Variants in LYSMD2 observed in about 807,000 individuals in gnomAD.
LYSMD2 encodes the protein lysM and putative peptidoglycan-binding domain-containing protein 2.
Under a neutral mutation model 17.7 loss-of-function variants are expected in LYSMD2, and 6 were observed. That is an observed-to-expected ratio of 0.34 (90% CI 0.19 to 0.67). The LOEUF is 0.67. Ranked by LOEUF, LYSMD2 falls within the 30% of genes least tolerant of loss-of-function variation. LYSMD2 has a pLI of 0.69. For missense variants in LYSMD2, 237 were observed against 286.7 expected, an observed-to-expected ratio of 0.83 and a Z score of 1.25; for synonymous variants, 102 against 129.8, an observed-to-expected ratio of 0.79 and a Z score of 1.45.
intron 1 of LYSMD2, among the ~76,000 whole-genome samples, chr15:51,730,470 C>T (rs2055569598): frequency 6.6e-6 from 1 of 152,230 alleles, no homozygotes; most frequent in Admixed American, 6.5e-5. Flanking sequence ...TAGCCAAGAT[C>T]TCGCCACTGC....
At chr15:51,742,935 C>A (rs1467205528) in intron 1 of LYSMD2, among the ~76,000 whole-genome samples, 2 of 152,084 alleles carry the variant, frequency 1.3e-5, no homozygotes, top group Non-Finnish European at 2.9e-5. Context: ...GCAGTCCAGC[C>A]GGGGGGACAC....
intron 1 of LYSMD2, 25 bp from the exon 2 acceptor site, chr15:51,725,146 G>T: frequency 6.9e-7 from 1 of 1,439,644 alleles, no homozygotes; most frequent in Non-Finnish European, 9.6e-7. Flanking sequence ...AGGAGACACA[G>T]AATTACATAT....
At chr15:51,742,926 C>G (rs2055650353) in intron 1 of LYSMD2, among the ~76,000 whole-genome samples, 1 of 152,178 alleles carries the variant, frequency 6.6e-6, no homozygotes, top group South Asian at 2.1e-4. Context: ...CGCCCCACTG[C>G]AGTCCAGCCG....
At chr15:51,736,983 T>G (rs1181131030) in intron 1 of LYSMD2, among the ~76,000 whole-genome samples, 1 of 152,196 alleles carries the variant, frequency 6.6e-6, no homozygotes, top group Non-Finnish European at 1.5e-5. Context: ...TGATGGGGCC[T>G]GCAAATTGGG....
At chr15:51,737,679 T>C (rs2055620785), upstream of LYSMD2, 2 of 1,157,452 alleles carry the variant, frequency 1.7e-6, no homozygotes, top group Admixed American at 4.4e-5. The surrounding 1 kb of genome is among the most constrained non-coding windows in gnomAD (Gnocchi z 4.2). Context: ...CGCCTCCTCC[T>C]CCTCCGCCGC....
chr15:51,731,411 T>C (rs1243920234), intron 1 of LYSMD2, among the ~76,000 whole-genome samples: 1 of 152,192 alleles, frequency 6.6e-6, no homozygotes, highest in East Asian at 1.9e-4. Flanking sequence ...ACACTAAAGA[T>C]TTACATGCAC....
chr15:51,724,802 T>C lies in LYSMD2; in HGVS notation c.593A>G (p.Lys198Arg). 6.2e-7 allele frequency: 1 copy of C among 1,612,918 alleles called. No homozygotes were observed. Among genetic ancestry groups the C allele is most frequent in the Non-Finnish European group, 8.5e-7 (1 of 1,179,238 alleles). The change falls in exon 2 of 3, where the codon AAA becomes AGA. Residue 198 changes from lysine to arginine, a missense_variant. Lys to Arg is a conservative substitution (Grantham distance 26). Transcript: ENST00000267838. Reference sequence around the variant, plus strand: ...AGGGTATTCTTACCTGCTCTCTTCTTTTAGCTTCTTGGCTGCCTGTGTTGA... The same window carrying C: ...AGGGTATTCTTACCTGCTCTCTTCTCTTAGCTTCTTGGCTGCCTGTGTTGA... ...KLSTQAAKKLKEESRDEESPY... is the reference protein window; with the variant it reads ...KLSTQAAKKLREESRDEESPY...
intron 1 of LYSMD2, among the ~76,000 whole-genome samples, chr15:51,732,560 G>T (rs932842314): frequency 3.9e-5 from 6 of 152,172 alleles, no homozygotes; most frequent in Non-Finnish European, 5.9e-5. Context: ...GCTATTAATG[G>T]CTAAAAAGGT....
rs553423648 is a variant in LYSMD2 at position 51,727,214 on chromosome 15, T to G, written c.274-2093A>C. 5.3e-5 allele frequency among the ~76,000 whole-genome samples: 8 copies of G among 152,322 alleles called. No homozygotes were observed. The South Asian group carries it at 1.2e-3, about 24-fold the overall frequency. ...TCCCAATCCATTCCTCCACTCTTCT[T>G]GGGCTTATTCTAAACCCTAGGAGGC... On this transcript the variant is annotated intron_variant, in intron 1 of 2. Transcript: ENST00000267838.
Position 51,737,612 on chromosome 15 carries a change from G to T in LYSMD2, c.11C>A (p.Ser4Tyr). MAD[S>Y]SPALSLREGG... ...TTCCCGCAGGGACAGTGCGGGCGAG[G>T]AATCCGCCATGGGTCCTGCCGAGGC... is the stretch of plus-strand genomic sequence containing the variant. The change falls in exon 1 of 3, where the codon TCC becomes TAC. Residue 4 changes from serine (S) to tyrosine (Y), a missense_variant. Transcript: ENST00000267838. The surrounding 1 kb of genome is among the most constrained non-coding windows in gnomAD (Gnocchi z 4.2). The T allele has an allele frequency of 8.3e-7, 1 of 1,210,342 alleles. No individual in the cohort carries two copies. Among genetic ancestry groups the T allele is most frequent in the Non-Finnish European group, 1.0e-6 (1 of 974,870 alleles). The allele number at this position is 1,210,342 out of a possible 1,614,324, so 75.0% of individuals were successfully genotyped here. A position where few individuals can be genotyped will look rare whatever the true frequency, so the allele number is the denominator to read the frequency against.
chr15:51,732,470 C>T (rs2055582707), intron 1 of LYSMD2, among the ~76,000 whole-genome samples: 1 of 152,162 alleles, frequency 6.6e-6, no homozygotes, highest in Admixed American at 6.5e-5. Flanking sequence ...CCTTCTAGCC[C>T]CAGCATCTAG....
rs79846015 is a variant in LYSMD2 at position 51,736,511 on chromosome 15, T to C, written c.273+839A>G. Among the ~76,000 whole-genome samples, 629 of 152,328 alleles carry C rather than the reference T, an allele frequency of 4.1e-3. 5 individuals carry two copies. Among genetic ancestry groups the C allele is most frequent in the African/African-American group, 0.015 (607 of 41,562 alleles). ...TAAAGGGCCAGAAAGAGTTTCACTT[T>C]AAGGGAAAGATATAGATAAGATCCT... On this transcript the variant is annotated intron_variant, in intron 1 of 2. Transcript: ENST00000267838.
Position 51,737,548 on chromosome 15 carries a change from C to A in LYSMD2, c.75G>T (p.Pro25=). 8.1e-7 allele frequency: 1 copy of A among 1,230,484 alleles called. No homozygotes were observed. The highest frequency in any genetic ancestry group is 1.0e-6 in the Non-Finnish European group (1 of 989,388). The allele number at this position is 1,230,484 out of a possible 1,614,324, so 76.2% of individuals were successfully genotyped here. The change falls in exon 1 of 3, where the codon CCG becomes CCT. Residue 25 remains proline, a synonymous_variant. Coordinates refer to ENST00000267838, the MANE Select transcript of LYSMD2 (RefSeq NM_153374.3). This position sits in a 1 kb window ranked among gnomAD's most constrained non-coding sequence, Gnocchi z 4.2. ...CGGAGCCGGAGCGCGAGCGCGGCGG[C>A]GGCGAGGGGGCCGAGGGCCGCGGCG... ...PRAPRPSAPS[P]PPRSRSGSES...
intron 1 of LYSMD2, among the ~76,000 whole-genome samples, chr15:51,735,303 G>A (rs2055601732): frequency 6.6e-6 from 1 of 152,230 alleles, no homozygotes; most frequent in Non-Finnish European, 1.5e-5. Flanking sequence ...TATAAGCCAG[G>A]GCCCAAAGTA....
In LYSMD2 at chr15:51,725,688, A is replaced by AAT. The variant is rs560199032; in HGVS notation, c.274-569_274-568dup. Among the ~76,000 whole-genome samples the AAT allele has an allele frequency of 2.3e-3, 342 of 151,944 alleles. 2 individuals carry two copies. Among genetic ancestry groups the AAT allele is most frequent in the African/African-American group, 7.8e-3 (324 of 41,446 alleles). The stretch of plus-strand genomic sequence containing the variant: ...CTTATATACCCACTCACATCAAGGA[A>AAT]ATATATATATATGAGAGAATATATA... On this transcript the variant is annotated intron_variant, in intron 1 of 2. Coordinates refer to ENST00000267838, the MANE Select transcript of LYSMD2 (RefSeq NM_153374.3).
chr15:51,734,492 C>G (rs936978476), intron 1 of LYSMD2, among the ~76,000 whole-genome samples: 1 of 152,188 alleles, frequency 6.6e-6, no homozygotes, highest in Non-Finnish European at 1.5e-5. Context: ...TTCCTTGTAC[C>G]TAGACTACGA....
chr15:51,747,073 G>T (rs182157689), intron 1 of LYSMD2, among the ~76,000 whole-genome samples: 1 of 146,176 alleles, frequency 6.8e-6, no homozygotes, highest in Non-Finnish European at 1.5e-5. Flanking sequence ...GGTGGCACAC[G>T]CCTGTAGTCC....
intron 1 of LYSMD2, among the ~76,000 whole-genome samples, chr15:51,743,311 A>G (rs1429460605): frequency 6.6e-6 from 1 of 152,208 alleles, no homozygotes; most frequent in Admixed American, 6.5e-5. Context: ...TGTGAACAGT[A>G]TAAGGTCTGT....
chr15:51,723,534 G>T lies in LYSMD2; in HGVS notation c.*73C>A. On this transcript the variant is annotated 3_prime_UTR_variant, in exon 3 of 3. Transcript: ENST00000267838. ...ATAGGAATCCAGAAGGGATGTTTTT[G>T]AATCTTCAGTTGTTGGATTCTTTAT... 1.6e-6 allele frequency: 2 copies of T among 1,235,422 alleles called. No individual in the cohort carries two copies. The highest frequency in any genetic ancestry group is 1.2e-6 in the Non-Finnish European group (1 of 838,144). 76.5% of individuals were successfully genotyped at this position (1,235,422 alleles called of 1,614,324 possible). A position where few individuals can be genotyped will look rare whatever the true frequency, so the allele number is the denominator to read the frequency against.
Sources: gnomAD v4.1 joint callset for allele counts (sites outside exome capture counted in the v4.1 genomes callset) on GRCh38, gnomAD v4.1.1 for gene constraint, Gnocchi (gnomAD v3.1) non-coding constraint, MANE v1.5 for transcripts, NCBI Gene and HGNC (gene_info 2026-07-23, HGNC 2026-07-21) for gene names.